R3HDM1: variants seen among roughly 807,000 people sequenced by gnomAD.
The protein encoded by R3HDM1 is R3H domain-containing protein 1.
R3HDM1 carries 46 observed loss-of-function variants against 141.1 expected under a neutral mutation model. The observed-to-expected ratio is 0.33, with a 90% CI of 0.26 to 0.42. R3HDM1 has a LOEUF of 0.42. Among genes scored for constraint, R3HDM1 ranks in the 10% least tolerant of loss-of-function variants. The probability of loss-of-function intolerance (pLI) is 1.00; values close to 1 mark genes in which losing one functional copy is unlikely to be tolerated. For missense variants in R3HDM1, 1,184 were observed against 1,368.3 expected (o/e 0.87, Z 2.12); for synonymous variants, 435 against 472.9 (o/e 0.92, Z 1.04).
At position 135,641,794 on chromosome 2, in the gene R3HDM1, G is replaced by A. The variant is rs1280841577; in HGVS notation, c.1474+4G>A. On this transcript the variant is annotated splice_donor_region_variant and intron_variant, in intron 15 of 26. Coordinates refer to ENST00000683871, the MANE Select transcript of R3HDM1 (RefSeq NM_001378107.1). ...ATTCTGATCAACCCACAAACAGGTT[G>A]GTATCCAGAAAAAGGTGTTTCAGGA... 3.8e-6 allele frequency: 6 copies of A among 1,587,046 alleles called. No homozygotes were observed. The highest frequency in any genetic ancestry group is 2.3e-5 in the South Asian group (2 of 85,764).
intron 1 of R3HDM1, among the ~76,000 whole-genome samples, chr2:135,595,793 G>A (rs960160328): frequency 1.3e-5 from 2 of 152,314 alleles, no homozygotes; most frequent in South Asian, 4.1e-4. Context: ...GAGATTGAGT[G>A]AATGGAATAT....
At chr2:135,707,499 G>A (rs1239274423) in intron 21 of R3HDM1, among the ~76,000 whole-genome samples, 2 of 152,142 alleles carry the variant, frequency 1.3e-5, no homozygotes, top group African/African-American at 4.8e-5. Context: ...AAACCCACTA[G>A]AGTGGTAAAA....
chr2:135,719,537 T>C (rs2076507430), intron 24 of R3HDM1, among the ~76,000 whole-genome samples: 1 of 152,090 alleles, frequency 6.6e-6, no homozygotes, highest in Non-Finnish European at 1.5e-5. Flanking sequence ...TACTGAAATA[T>C]TTACAAGTAA....
At chr2:135,706,439 G>A (rs1208855896) in intron 21 of R3HDM1, among the ~76,000 whole-genome samples, 3 of 151,576 alleles carry the variant, frequency 2.0e-5, no homozygotes, top group African/African-American at 7.3e-5. Flanking sequence ...GGATTTGGCA[G>A]GGTCATAGGA....
intron 1 of R3HDM1, among the ~76,000 whole-genome samples, chr2:135,548,585 C>G (rs551058670): frequency 1.3e-5 from 2 of 152,052 alleles, no homozygotes; most frequent in African/African-American, 4.8e-5. Flanking sequence ...ATCGCCCCCC[C>G]ACCCCATACC....
chr2:135,581,096 A>G (rs1469932394), intron 1 of R3HDM1: 1 of 735,270 alleles, frequency 1.4e-6, no homozygotes, highest in Non-Finnish European at 1.7e-6. Context: ...TGGTATGAAG[A>G]ATAAATTAGA....
chr2:135,546,717 G>A (rs965263986), intron 1 of R3HDM1, among the ~76,000 whole-genome samples: 3 of 152,152 alleles, frequency 2.0e-5, no homozygotes, highest in South Asian at 2.1e-4. Flanking sequence ...AAATGGTTAC[G>A]CTGGAGTGCA....
chr2:135,653,959 A>G lies in R3HDM1; in HGVS notation c.2028+1927A>G, dbSNP rs1445001416. 3.3e-5 allele frequency among the ~76,000 whole-genome samples: 5 copies of G among 152,218 alleles called. No individual in the cohort carries two copies. The East Asian group carries it at 5.8e-4, about 18-fold the overall frequency. ...TGGGGCAGGGCATTTTGATTTTTTT[A>G]TTGAAATTCACATAATATAAAATTA... On this transcript the variant is annotated intron_variant, in intron 18 of 26. Coordinates refer to ENST00000683871, the MANE Select transcript of R3HDM1 (RefSeq NM_001378107.1).
intron 7 of R3HDM1, among the ~76,000 whole-genome samples, chr2:135,623,429 G>GCA (rs79501374): frequency 2.0e-5 from 3 of 152,184 alleles, no homozygotes; most frequent in East Asian, 3.9e-4. Flanking sequence ...CTAGATATGG[G>GCA]CACACGGAAG....
chr2:135,665,364 C>T (rs775610428), intron 19 of R3HDM1: 1 of 524,872 alleles, frequency 1.9e-6, no homozygotes, highest in Non-Finnish European at 3.9e-6. Context: ...TCACCATATA[C>T]ATTTAATATT....
At chr2:135,646,842 C>CA (rs1189487483) in intron 16 of R3HDM1, among the ~76,000 whole-genome samples, 213 of 78,080 alleles carry the variant, frequency 2.7e-3, no homozygotes, top group Middle Eastern at 8.8e-3. Context: ...GACTCCATCT[C>CA]AAAAAAAAAA....
At chr2:135,658,612 G>A (rs1266188951) in intron 18 of R3HDM1, among the ~76,000 whole-genome samples, 1 of 152,000 alleles carries the variant, frequency 6.6e-6, no homozygotes, top group Non-Finnish European at 1.5e-5. Flanking sequence ...TCTTAAATTA[G>A]GCTACACCTA....
intron 21 of R3HDM1, among the ~76,000 whole-genome samples, chr2:135,707,781 TA>T (rs1042751105): frequency 1.4e-4 from 21 of 152,366 alleles, no homozygotes; most frequent in African/African-American, 4.3e-4. Flanking sequence ...CACAGGTAGC[TA>T]ATACTTATAT....
intron 17 of R3HDM1, 65 bp from the exon 18 acceptor site, chr2:135,651,665 T>G: frequency 6.7e-7 from 1 of 1,499,980 alleles, no homozygotes; most frequent in Non-Finnish European, 8.9e-7. Flanking sequence ...TAGGAAGTAT[T>G]TTTCTTTGAT....
chr2:135,538,181 C>G (rs1035228557), intron 1 of R3HDM1, among the ~76,000 whole-genome samples: 1 of 152,096 alleles, frequency 6.6e-6, no homozygotes, highest in Admixed American at 6.6e-5. Context: ...TGCTACTATA[C>G]TAAATACTAT....
intron 1 of R3HDM1, chr2:135,550,187 G>A (rs1256885380): frequency 1.0e-6 from 1 of 984,770 alleles, no homozygotes; most frequent in Non-Finnish European, 1.2e-6. Flanking sequence ...ACAGCTTTTT[G>A]TGAGTGTTGA....
intron 19 of R3HDM1, chr2:135,667,015 C>T: frequency 1.4e-6 from 1 of 726,764 alleles, no homozygotes; most frequent in Non-Finnish European, 1.7e-6. Context: ...AGTGAAATAA[C>T]CTTAGATTCA....
chr2:135,557,057 C>A (rs1297747971), intron 1 of R3HDM1, among the ~76,000 whole-genome samples: 1 of 152,090 alleles, frequency 6.6e-6, no homozygotes, highest in Non-Finnish European at 1.5e-5. Flanking sequence ...GATTGAAGAG[C>A]ATAAGATGAA....
At chr2:135,662,955 T>C (rs2066925823) in intron 19 of R3HDM1, among the ~76,000 whole-genome samples, 1 of 152,118 alleles carries the variant, frequency 6.6e-6, no homozygotes, top group Admixed American at 6.6e-5. Flanking sequence ...ATTAACTTAA[T>C]TCATTAGTAC....
Sources: gnomAD v4.1 joint callset for allele counts (sites outside exome capture counted in the v4.1 genomes callset) on GRCh38, gnomAD v4.1.1 for gene constraint, MANE v1.5 for transcripts, NCBI Gene and HGNC (gene_info 2026-07-23, HGNC 2026-07-21) for gene names.